Variants in MRPL43 observed in about 807,000 individuals in gnomAD.
The protein encoded by MRPL43 is mitochondrial ribosomal protein L43.
In MRPL43, 9 loss-of-function variants were observed where a neutral mutation model predicts 12.7. The observed-to-expected ratio is 0.71, with a 90% CI of 0.43 to 1.24. The LOEUF (loss-of-function observed/expected upper bound fraction) is 1.24, where lower values mean the gene tolerates loss of function less well. Among genes scored for constraint, MRPL43 ranks in the 50% most tolerant of loss-of-function variants. The probability of loss-of-function intolerance (pLI) is 0.00; values close to 1 mark genes in which losing one functional copy is unlikely to be tolerated. For synonymous variants in MRPL43, 116 were observed against 96.4 expected, an observed-to-expected ratio of 1.20 and a Z score of -1.19; for missense variants, 211 against 229.2, an observed-to-expected ratio of 0.92 and a Z score of 0.51.
Position 100,986,923 on chromosome 10 carries a change from G to C in MRPL43, c.291C>G (p.Ile97Met), listed in dbSNP as rs745941765. Residue 97 changes from isoleucine to methionine, a missense_variant, in exon 3 of 3, where the codon ATC becomes ATG. Transcript: ENST00000318364. ...CGGCCAGCTTCTGCACCAGCGTCGA[G>C]ATCTCCTCGACCGACTTGCAGTGGA... ...ESIHCKSVEE[I>M]STLVQKLADQ... is the part of the protein sequence containing the mutation. 1.2e-5 allele frequency: 19 copies of C among 1,610,396 alleles called. No homozygotes were observed. The highest frequency in any genetic ancestry group is 6.7e-5 in the East Asian group (3 of 44,892).
chr10:100,986,185 G>C (rs1226740443), downstream of MRPL43: 5 of 662,108 alleles, frequency 7.6e-6, no homozygotes, highest in Middle Eastern at 6.1e-4. Context: ...CCACCTGACA[G>C]TTGTTATATG....
rs1851500014 is a variant in MRPL43, at chr10:100,986,718, T to C, written c.*16A>G. 6.2e-7 allele frequency: 1 copy of C among 1,613,700 alleles called. No individual in the cohort carries two copies. ...AACAGTCCAAAGCCTGGGGCTGCAG[T>C]TGGTGGGGCAACTCTTCACTGTGCT... On this transcript the variant is annotated 3_prime_UTR_variant, in exon 3 of 3. Coordinates refer to ENST00000318364, the MANE Select transcript of MRPL43 (RefSeq NM_032112.3).
chr10:100,979,940 C>G (rs1339531318), downstream of MRPL43: 1 of 1,613,942 alleles, frequency 6.2e-7, no homozygotes. Flanking sequence ...CAGGATGGTT[C>G]CCGGCGCTGG....
chr10:100,979,447 A>G, downstream of MRPL43: 1 of 1,486,176 alleles, frequency 6.7e-7, no homozygotes, highest in South Asian at 1.3e-5. Flanking sequence ...CAGTGGCGCG[A>G]TCTCGGCTCA....
chr10:100,980,141 GCAGCCAAGGCTA>G, downstream of MRPL43: 1 of 1,614,198 alleles, frequency 6.2e-7, no homozygotes, highest in Non-Finnish European at 8.5e-7. Context: ...GATTCATTGC[GCAGCCAAGGCTA>G]CAATTCATCC....
At chr10:100,977,951 C>A (rs187759303), downstream of MRPL43, 3 of 580,856 alleles carry the variant, frequency 5.2e-6, no homozygotes, top group South Asian at 6.1e-5. Flanking sequence ...GCATCCTCCC[C>A]CTAATCACCT....
chr10:100,978,524 C>T (rs1850902746), downstream of MRPL43: 1 of 1,613,512 alleles, frequency 6.2e-7, no homozygotes, highest in African/African-American at 1.3e-5. Flanking sequence ...ATCCCCACGC[C>T]AGATGGAGGC....
intron 2 of MRPL43, 44 bp downstream of exon 2, chr10:100,987,046 G>T: frequency 1.9e-6 from 3 of 1,608,920 alleles, no homozygotes; most frequent in Admixed American, 3.3e-5. Context: ...ATAGCGGGTC[G>T]AGCCCCTGAT....
chr10:100,986,651 G>C lies in MRPL43; in HGVS notation c.*83C>G. 6.2e-7 allele frequency: 1 copy of C among 1,613,818 alleles called. No homozygotes were observed. On this transcript the variant is annotated 3_prime_UTR_variant, in exon 3 of 3. Transcript: ENST00000318364. ...GCCCATTGATGGGTTCCATTTGCCT[G>C]GGCTTGGAATCCCAAAGGGGAAGAA...
downstream of MRPL43, chr10:100,978,667 G>A (rs889027822): frequency 6.3e-7 from 1 of 1,593,634 alleles, no homozygotes. Context: ...ACAGGATGAT[G>A]GGGGGTAGGG....
chr10:100,979,239 C>A (rs754363609), downstream of MRPL43: 2 of 1,614,090 alleles, frequency 1.2e-6, no homozygotes, highest in Non-Finnish European at 1.7e-6. Context: ...GCCGTACACA[C>A]TTCTATGCAG....
At chr10:100,983,919 C>A, downstream of MRPL43, 4 of 1,563,652 alleles carry the variant, frequency 2.6e-6, no homozygotes, top group Non-Finnish European at 3.5e-6. Context: ...ACCACCCCCA[C>A]CGCCCCCACC....
chr10:100,984,636 G>T (rs562213978), downstream of MRPL43: 1 of 1,536,160 alleles, frequency 6.5e-7, no homozygotes, highest in Non-Finnish European at 8.7e-7. Context: ...ATGTTTATCG[G>T]CTGGGCTGCA....
downstream of MRPL43, chr10:100,978,562 C>T (rs370387075): frequency 1.1e-5 from 18 of 1,614,148 alleles, no homozygotes; most frequent in Middle Eastern, 3.3e-4. Context: ...GTATGAATTC[C>T]GGAGCATTCC....
chr10:100,984,735 T>G (rs1223598937), downstream of MRPL43: 6 of 1,536,170 alleles, frequency 3.9e-6, no homozygotes, highest in East Asian at 1.5e-4. Context: ...ACATCCTATC[T>G]GGTCCTCTTC....
downstream of MRPL43, chr10:100,985,795 C>T: frequency 6.6e-6 from 1 of 152,208 alleles, no homozygotes; most frequent in South Asian, 2.1e-4. Context: ...GGCACACAGG[C>T]CTCTTTAGTA....
downstream of MRPL43, chr10:100,983,673 C>T: frequency 6.2e-7 from 1 of 1,613,446 alleles, no homozygotes; most frequent in Non-Finnish European, 8.5e-7. Flanking sequence ...GCTTGGTGGC[C>T]TCTGCCTCAT....
chr10:100,986,709 G>A lies in MRPL43; in HGVS notation c.*25C>T. The A allele has an allele frequency of 1.2e-6, 2 of 1,613,940 alleles. No individual in the cohort carries two copies. Among genetic ancestry groups the A allele is most frequent in the Non-Finnish European group, 1.7e-6 (2 of 1,179,942 alleles). The stretch of plus-strand genomic sequence containing the variant: ...TACCGGAGTAACAGTCCAAAGCCTG[G>A]GGCTGCAGTTGGTGGGGCAACTCTT... On this transcript the variant is annotated 3_prime_UTR_variant, in exon 3 of 3. Transcript: ENST00000318364.
chr10:100,986,496 T>G lies in MRPL43; in HGVS notation c.*238A>C, dbSNP rs1230942957. 3.2e-6 allele frequency: 5 copies of G among 1,550,148 alleles called. No individual in the cohort carries two copies. The highest frequency in any genetic ancestry group is 4.4e-6 in the Non-Finnish European group (5 of 1,146,874). Reference sequence around the variant, plus strand: ...GGGCCCTGTAAAACCCTTGAAGTCTTCCTCATCTCAGGTTTTAGGGATGCC... The same window carrying G: ...GGGCCCTGTAAAACCCTTGAAGTCTGCCTCATCTCAGGTTTTAGGGATGCC... On this transcript the variant is annotated 3_prime_UTR_variant, in exon 3 of 3. Transcript: ENST00000318364.
Sources: allele counts gnomAD v4.1 joint callset, GRCh38; gene constraint gnomAD v4.1.1; transcripts MANE v1.5; gene names NCBI Gene and HGNC (gene_info 2026-07-23, HGNC 2026-07-21).